Variants in LDB2 observed in about 807,000 individuals in gnomAD.
LDB2 encodes the protein LIM domain-binding protein 2.
Under a neutral mutation model 44.3 loss-of-function variants are expected in LDB2, and 12 were observed. That is an observed-to-expected ratio of 0.27 (90% confidence interval 0.17 to 0.44). The LOEUF is 0.44. Ranked by LOEUF, LDB2 falls within the 20% of genes least tolerant of loss-of-function variation. The pLI, the probability that LDB2 is intolerant of heterozygous loss-of-function variation, is 1.00. For synonymous variants in LDB2, 164 were observed against 174.8 expected (o/e 0.94, Z 0.49); for missense variants, 344 against 473.5 (o/e 0.73, Z 2.54).
intron 5 of LDB2, among the ~76,000 whole-genome samples, chr4:16,519,912 C>T (rs1725345119): frequency 6.6e-6 from 1 of 151,990 alleles, no homozygotes; most frequent in Non-Finnish European, 1.5e-5. Context: ...GAGCCAGGCG[C>T]TCAATGTATT....
At position 16,885,721 on chromosome 4, in the gene LDB2, C is replaced by T. The variant is rs116801611; in HGVS notation, c.132+12633G>A. Among the ~76,000 whole-genome samples the T allele has an allele frequency of 5.2e-3, 785 of 152,214 alleles. 10 individuals carry two copies. Among genetic ancestry groups the T allele is most frequent in the African/African-American group, 0.018 (731 of 41,502 alleles). ...TGGACCTTGTGAAAGATTACGTGCT[C>T]GCTGCCTTTTGACTCAGAAATAATA... On this transcript the variant is annotated intron_variant, in intron 1 of 7. Coordinates refer to ENST00000304523, the MANE Select transcript of LDB2 (RefSeq NM_001290.5).
intron 2 of LDB2, among the ~76,000 whole-genome samples, chr4:16,630,610 C>T (rs13101558): frequency 0.36 from 54,147 of 151,918 alleles, 9,816 homozygotes; most frequent in East Asian, 0.56. Flanking sequence ...AATGTAAATG[C>T]GCTAAATGCC....
intron 5 of LDB2, among the ~76,000 whole-genome samples, chr4:16,517,527 T>C (rs1234592705): frequency 3.9e-5 from 6 of 152,196 alleles, no homozygotes; most frequent in Non-Finnish European, 7.3e-5. Context: ...TGCAGCAGCC[T>C]GCATGCAGGC....
chr4:16,871,957 A>G (rs566620451), intron 1 of LDB2, among the ~76,000 whole-genome samples: 10 of 152,298 alleles, frequency 6.6e-5, no homozygotes, highest in African/African-American at 2.4e-4. Flanking sequence ...AATGAAAATT[A>G]CATTTGGGCT....
intron 1 of LDB2, among the ~76,000 whole-genome samples, chr4:16,837,986 G>C (rs1785184297): frequency 6.6e-6 from 1 of 152,208 alleles, no homozygotes; most frequent in South Asian, 2.1e-4. Context: ...GCTGAAGGCA[G>C]GGACTAGGGT....
Position 16,521,649 on chromosome 4 carries a change from T to C in LDB2, c.616-9545A>G, listed in dbSNP as rs1334153836. On this transcript the variant is annotated intron_variant, in intron 5 of 7. Transcript: ENST00000304523. Reference sequence around the variant, plus strand: ...CAGGTAGCCTTTTCAGCAGCTGTCATCAGACACATCCACTACAGTTCCAGC... The same window carrying C: ...CAGGTAGCCTTTTCAGCAGCTGTCACCAGACACATCCACTACAGTTCCAGC... Among the ~76,000 whole-genome samples, 5 of 152,142 alleles carry C rather than the reference T, an allele frequency of 3.3e-5. No individual in the cohort carries two copies. The East Asian group carries it at 9.7e-4, about 29-fold the overall frequency.
In LDB2 at chr4:16,794,139, T is replaced by C. The variant is rs148630106; in HGVS notation, c.133-34879A>G. Among the ~76,000 whole-genome samples the C allele has an allele frequency of 9.5e-4, 145 of 152,236 alleles. 1 individual carries two copies. The highest frequency in any genetic ancestry group is 3.4e-3 in the Middle Eastern group (1 of 294). On this transcript the variant is annotated intron_variant, in intron 1 of 7. Transcript: ENST00000304523. ...GCCTTCTTGGAGCTTACTAACGACCTTAAAGCCCACAACAAGCAGCTCAAA... is the reference window on the plus strand; with the variant it reads ...GCCTTCTTGGAGCTTACTAACGACCCTAAAGCCCACAACAAGCAGCTCAAA...
chr4:16,759,237 G>T lies in LDB2; in HGVS notation c.156C>A (p.Asp52Glu). ...CTTCAAAAAATTCAGTGGCAAAGGC[G>T]TCCCACCAGAGGTTGTCACTATCCT... ...RTEDSDNLWW[D>E]AFATEFFEDD... is the part of the protein sequence containing the mutation. Residue 52 changes from aspartate to glutamate, a missense_variant, in exon 2 of 8, where the codon GAC becomes GAA. Around this residue, in one of 3 missense-constraint regions of LDB2, gnomAD observed 226 missense variants for 270.1 expected, o/e 0.84. Transcript: ENST00000304523. 6.2e-7 allele frequency: 1 copy of T among 1,613,336 alleles called. No homozygotes were observed. Among genetic ancestry groups the T allele is most frequent in the African/African-American group, 1.3e-5 (1 of 75,032 alleles).
At chr4:16,769,026 A>C (rs16893966) in intron 1 of LDB2, among the ~76,000 whole-genome samples, 7 of 152,168 alleles carry the variant, frequency 4.6e-5, no homozygotes, top group African/African-American at 1.7e-4. Flanking sequence ...ATTCAAAACA[A>C]TATCTCTAAA....
chr4:16,872,509 T>C (rs906208261), intron 1 of LDB2, among the ~76,000 whole-genome samples: 1 of 152,324 alleles, frequency 6.6e-6, no homozygotes, highest in Admixed American at 6.5e-5. Flanking sequence ...AGTTCTATTC[T>C]GGTTAAAAGA....
chr4:16,615,315 T>C (rs992778547), intron 2 of LDB2, among the ~76,000 whole-genome samples: 15 of 152,184 alleles, frequency 9.9e-5, no homozygotes, highest in Non-Finnish European at 1.0e-4. Flanking sequence ...CATATGTTTA[T>C]TGCAGCACTA....
chr4:16,755,011 C>T (rs57183030), intron 2 of LDB2, among the ~76,000 whole-genome samples: 3,153 of 152,280 alleles, frequency 0.021, 47 homozygotes, highest in East Asian at 0.063. Flanking sequence ...TCCTTCTCCA[C>T]GTATCTCTCC....
intron 1 of LDB2, 110 bp from the exon 2 acceptor site, chr4:16,759,370 G>A (rs1187491764): frequency 1.5e-5 from 12 of 780,336 alleles, no homozygotes; most frequent in African/African-American, 5.2e-5. Context: ...TCATTACTTC[G>A]CGTATGTGTG....
rs547292602 is a variant in LDB2, at chr4:16,688,716, G to A, written c.235+70442C>T. Among the ~76,000 whole-genome samples the A allele has an allele frequency of 2.0e-5, 3 of 152,252 alleles. No individual in the cohort carries two copies. The East Asian group carries it at 5.8e-4, about 29-fold the overall frequency. ...AATTTCAATGAGGTGCTGATACTAT[G>A]TAATGTTCTCCACACCAAATACCAA... is the stretch of plus-strand genomic sequence containing the variant. On this transcript the variant is annotated intron_variant, in intron 2 of 7. Coordinates refer to ENST00000304523, the MANE Select transcript of LDB2 (RefSeq NM_001290.5).
At chr4:16,742,129 T>C (rs1457538419) in intron 2 of LDB2, among the ~76,000 whole-genome samples, 2 of 148,908 alleles carry the variant, frequency 1.3e-5, no homozygotes, top group Non-Finnish European at 3.0e-5. Flanking sequence ...TGGAGTTCAG[T>C]GGCACAATCT....
chr4:16,861,038 C>T (rs1203342060), intron 1 of LDB2, among the ~76,000 whole-genome samples: 6 of 152,192 alleles, frequency 3.9e-5, no homozygotes, highest in African/African-American at 9.7e-5. Context: ...CAGCAGGCTT[C>T]ATTAGGGTAT....
chr4:16,584,786 T>C (rs1330433253), intron 5 of LDB2, among the ~76,000 whole-genome samples: 1 of 152,154 alleles, frequency 6.6e-6, no homozygotes, highest in African/African-American at 2.4e-5. Context: ...AAGTCAACCA[T>C]TTACAGATGA....
intron 2 of LDB2, among the ~76,000 whole-genome samples, chr4:16,720,735 A>C (rs1172828823): frequency 6.6e-6 from 1 of 152,224 alleles, no homozygotes; most frequent in Non-Finnish European, 1.5e-5. Context: ...CACTACTTCT[A>C]CTATTTCTAA....
At chr4:16,600,829 T>C (rs930420238) in intron 2 of LDB2, among the ~76,000 whole-genome samples, 5 of 152,154 alleles carry the variant, frequency 3.3e-5, no homozygotes, top group African/African-American at 9.7e-5. Context: ...CTACAGGATA[T>C]TCATTGATGT....
Sources: gnomAD v4.1 joint callset for allele counts (sites outside exome capture counted in the v4.1 genomes callset) on GRCh38, gnomAD v4.1.1 for gene constraint, gnomAD v4.1.1 regional missense constraint, MANE v1.5 for transcripts, NCBI Gene and HGNC (gene_info 2026-07-23, HGNC 2026-07-21) for gene names.